Variants in MARK3 observed in about 807,000 individuals in gnomAD.
MARK3 encodes MAP/microtubule affinity-regulating kinase 3.
Under a neutral mutation model 90.1 loss-of-function variants are expected in MARK3, and 46 were observed. The observed-to-expected ratio is 0.51, with a 90% CI of 0.40 to 0.65. The LOEUF is 0.65. Among genes scored for constraint, MARK3 ranks in the 30% least tolerant of loss-of-function variants. The probability of loss-of-function intolerance (pLI) is 0.00; values close to 1 mark genes in which losing one functional copy is unlikely to be tolerated. For synonymous variants in MARK3, 321 were observed against 332.6 expected (o/e 0.97, Z 0.38); for missense variants, 818 against 947.2 (o/e 0.86, Z 1.79).
intron 12 of MARK3, 69 bp downstream of exon 12, chr14:103,468,255 A>G (rs1040113281): frequency 1.1e-5 from 15 of 1,311,312 alleles, no homozygotes; most frequent in Middle Eastern, 2.0e-4. Flanking sequence ...ACTGGGAAGC[A>G]TTCTCTTGCT....
chr14:103,450,540 C>T (rs2093110611), intron 4 of MARK3, among the ~76,000 whole-genome samples: 1 of 152,122 alleles, frequency 6.6e-6, no homozygotes, highest in South Asian at 2.1e-4. Flanking sequence ...CCCAAAGTTT[C>T]GTTGGAAGAT....
chr14:103,422,749 G>A (rs939361006), intron 2 of MARK3, among the ~76,000 whole-genome samples: 3 of 152,120 alleles, frequency 2.0e-5, no homozygotes, highest in African/African-American at 7.2e-5. Flanking sequence ...ATTATTTTGT[G>A]TCTATTTCTT....
At chr14:103,489,006 TAC>T (rs2093976381) in intron 14 of MARK3, among the ~76,000 whole-genome samples, 1 of 152,222 alleles carries the variant, frequency 6.6e-6, no homozygotes. Flanking sequence ...GCTTTCTGCT[TAC>T]ACTGGTGGGG....
chr14:103,482,687 A>G (rs2093848483), intron 14 of MARK3, among the ~76,000 whole-genome samples: 1 of 152,126 alleles, frequency 6.6e-6, no homozygotes, highest in South Asian at 2.1e-4. Flanking sequence ...TGCTACACGT[A>G]TCATACACCA....
intron 4 of MARK3, among the ~76,000 whole-genome samples, chr14:103,449,231 T>C (rs1453051547): frequency 6.6e-6 from 1 of 151,588 alleles, no homozygotes; most frequent in Non-Finnish European, 1.5e-5. Context: ...TTAGAAAATA[T>C]AATTGTATTG....
At chr14:103,454,411 G>A (rs952128661) in intron 5 of MARK3, among the ~76,000 whole-genome samples, 1 of 151,962 alleles carries the variant, frequency 6.6e-6, no homozygotes, top group Non-Finnish European at 1.5e-5. Context: ...CACCACACCT[G>A]GCTAATTTTT....
At position 103,430,450 on chromosome 14, in the gene MARK3, C is replaced by T. The variant is rs543880575; in HGVS notation, c.297+2010C>T. Among the ~76,000 whole-genome samples, 24 of 135,514 alleles carry T rather than the reference C, an allele frequency of 1.8e-4. No homozygotes were observed. The South Asian group carries it at 5.9e-3, about 33-fold the overall frequency. 88.9% of individuals were successfully genotyped at this position (135,514 alleles called of 152,430 possible). ...TTTGTCAGCCCCCTTTGCAGTCATT[C>T]TTGCATCCTTTTTTCTTCTCAGCAC... On this transcript the variant is annotated intron_variant, in intron 3 of 17. Coordinates refer to ENST00000429436, the MANE Select transcript of MARK3 (RefSeq NM_001128918.3).
At chr14:103,456,694 C>T (rs2093285939) in intron 5 of MARK3, among the ~76,000 whole-genome samples, 1 of 152,178 alleles carries the variant, frequency 6.6e-6, no homozygotes, top group African/African-American at 2.4e-5. Flanking sequence ...GCTGCATCTC[C>T]CCAGAACCTA....
chr14:103,465,888 G>T, intron 8 of MARK3, 84 bp from the exon 9 acceptor site: 1 of 1,556,112 alleles, frequency 6.4e-7, no homozygotes, highest in Non-Finnish European at 8.7e-7. Context: ...AGTGCGGGGG[G>T]TTTCAGGGGG....
chr14:103,428,019 T>G (rs2092466777), intron 2 of MARK3, among the ~76,000 whole-genome samples: 1 of 152,172 alleles, frequency 6.6e-6, no homozygotes, highest in African/African-American at 2.4e-5. Context: ...GTTGCTCTGG[T>G]TCAAACACTT....
At chr14:103,487,475 G>A (rs2093950288) in intron 14 of MARK3, among the ~76,000 whole-genome samples, 1 of 151,908 alleles carries the variant, frequency 6.6e-6, no homozygotes, top group African/African-American at 2.4e-5. Flanking sequence ...TGTCAGCAGT[G>A]TGCTTCATTG....
Position 103,467,193 on chromosome 14 carries a change from T to A in MARK3, c.1110+2T>A. 1 of 1,483,874 alleles carries A rather than the reference T, an allele frequency of 6.7e-7. No homozygotes were observed. Among genetic ancestry groups the A allele is most frequent in the Non-Finnish European group, 9.3e-7 (1 of 1,070,942 alleles). The allele number at this position is 1,483,874 out of a possible 1,614,324, so 91.9% of individuals were successfully genotyped here. Reference sequence around the variant, plus strand: ...TTATTGGGGAGAAAATCTTCAGAGGTAAGAGTAATCAGAAAGAGCTGAAAT... The same window carrying A: ...TTATTGGGGAGAAAATCTTCAGAGGAAAGAGTAATCAGAAAGAGCTGAAAT... On this transcript the variant is annotated splice_donor_variant, in intron 11 of 17. Coordinates refer to ENST00000429436, the MANE Select transcript of MARK3 (RefSeq NM_001128918.3). LOFTEE classifies it high-confidence loss of function.
At chr14:103,459,057 A>G (rs1267531819) in intron 6 of MARK3, among the ~76,000 whole-genome samples, 1 of 152,174 alleles carries the variant, frequency 6.6e-6, no homozygotes, top group Non-Finnish European at 1.5e-5. Flanking sequence ...TTAGAAAAAA[A>G]GTGTGTGGCT....
intron 3 of MARK3, among the ~76,000 whole-genome samples, chr14:103,446,722 T>G (rs2093006277): frequency 2.7e-5 from 2 of 73,742 alleles, no homozygotes; most frequent in South Asian, 6.7e-4. Context: ...TTTTTTTTTT[T>G]TTTTTTTTTT....
intron 15 of MARK3, among the ~76,000 whole-genome samples, chr14:103,497,953 A>G (rs897986665): frequency 6.6e-6 from 1 of 152,244 alleles, no homozygotes; most frequent in Non-Finnish European, 1.5e-5. Flanking sequence ...GCAGTGGCTC[A>G]TGCCTGTAAT....
Position 103,465,617 on chromosome 14 carries a change from A to G in MARK3, c.601A>G (p.Asn201Asp). 1 of 1,614,212 alleles carries G rather than the reference A, an allele frequency of 6.2e-7. No homozygotes were observed. Among genetic ancestry groups the G allele is most frequent in the East Asian group, 2.2e-5 (1 of 44,888 alleles). Residue 201 changes from asparagine (N) to aspartate (D), a missense_variant, in exon 8 of 18, where the codon AAT becomes GAT. Around this residue, in one of 3 missense-constraint regions of MARK3, gnomAD observed 101 missense variants for 175.1 expected, o/e 0.58. Coordinates refer to ENST00000429436, the MANE Select transcript of MARK3 (RefSeq NM_001128918.3). ...NIKIADFGFS[N>D]EFTVGGKLDT... ...TAAAATAGCAGATTTCGGTTTTAGC[A>G]ATGAATTTACTGTTGGCGGTAAACT...
At chr14:103,421,670 G>C (rs1207132910) in intron 2 of MARK3, among the ~76,000 whole-genome samples, 1 of 152,098 alleles carries the variant, frequency 6.6e-6, no homozygotes, top group Non-Finnish European at 1.5e-5. Context: ...TTGTCTTTCT[G>C]TGCCCTGCTA....
chr14:103,482,353 T>G (rs2093841199), intron 14 of MARK3, among the ~76,000 whole-genome samples: 1 of 151,738 alleles, frequency 6.6e-6, no homozygotes, highest in Non-Finnish European at 1.5e-5. Context: ...AAACCCCGTC[T>G]CTACTAAAAA....
At chr14:103,418,219 C>CTTT (rs36012703) in intron 2 of MARK3, among the ~76,000 whole-genome samples, 7 of 61,660 alleles carry the variant, frequency 1.1e-4, no homozygotes, top group African/African-American at 3.5e-4. Flanking sequence ...ATAGTAAAGG[C>CTTT]TTTTTTTTTT....
Sources: allele counts gnomAD v4.1 joint callset (sites outside exome capture counted in the v4.1 genomes callset), GRCh38; gene constraint gnomAD v4.1.1; regional missense constraint gnomAD v4.1.1; transcripts MANE v1.5; gene names NCBI Gene and HGNC (gene_info 2026-07-23, HGNC 2026-07-21).